CACNA1C: variants seen among roughly 807,000 people sequenced by gnomAD.
The protein encoded by CACNA1C is calcium voltage-gated channel subunit alpha1 C.
In CACNA1C, 30 loss-of-function variants were observed where a neutral mutation model predicts 229.0. That is an observed-to-expected ratio of 0.13 (90% CI 0.10 to 0.18). The LOEUF is 0.18. Among genes scored for constraint, CACNA1C ranks in the 10% least tolerant of loss-of-function variants. CACNA1C has a pLI of 1.00. For missense variants in CACNA1C, 1,658 were observed against 2,845.0 expected, an observed-to-expected ratio of 0.58 and a Z score of 9.49; for synonymous variants, 1,114 against 1,132.5, an observed-to-expected ratio of 0.98 and a Z score of 0.33.
intron 3 of CACNA1C, among the ~76,000 whole-genome samples, chr12:2,126,228 T>A (rs985792225): frequency 6.6e-6 from 1 of 152,254 alleles, no homozygotes; most frequent in African/African-American, 2.4e-5. Context: ...TTTGTTATCT[T>A]TTCCTCATGC....
chr12:2,097,865 TC>T (rs2154094208), intron 1 of CACNA1C, among the ~76,000 whole-genome samples: 1 of 152,246 alleles, frequency 6.6e-6, no homozygotes, highest in South Asian at 2.1e-4. Flanking sequence ...GGGGAGGAGA[TC>T]CAGGCACCAG....
chr12:2,061,276 C>T (rs1337457107), intron 1 of CACNA1C, among the ~76,000 whole-genome samples: 2 of 152,164 alleles, frequency 1.3e-5, no homozygotes, highest in African/African-American at 2.4e-5. Context: ...GCGAGCAGAG[C>T]ACCAGAGTTT....
chr12:2,258,502 T>C (rs774641200), intron 3 of CACNA1C, among the ~76,000 whole-genome samples: 2 of 152,214 alleles, frequency 1.3e-5, no homozygotes, highest in Non-Finnish European at 2.9e-5. Context: ...AATTTAATTA[T>C]ATCATCGTCT....
chr12:2,118,132 T>C (rs2084838952), intron 2 of CACNA1C, among the ~76,000 whole-genome samples: 1 of 152,188 alleles, frequency 6.6e-6, no homozygotes. Flanking sequence ...GCCTTTAGCA[T>C]GAAGTGAAGG....
At chr12:2,416,084 C>T (rs557090208) in intron 3 of CACNA1C, among the ~76,000 whole-genome samples, 18 of 152,248 alleles carry the variant, frequency 1.2e-4, no homozygotes, top group African/African-American at 2.4e-4. Context: ...TCTTGTCCTG[C>T]GGGTCCCAGC....
At chr12:2,390,673 T>G (rs975744136) in intron 3 of CACNA1C, among the ~76,000 whole-genome samples, 4 of 152,030 alleles carry the variant, frequency 2.6e-5, no homozygotes, top group African/African-American at 9.7e-5. Context: ...ATGATCAGGA[T>G]TTCTTGGGGA....
rs1443291194 is a variant in CACNA1C at position 2,566,582 on chromosome 12, G to A, written c.1669G>A (p.Asp557Asn). 1.3e-6 allele frequency: 2 copies of A among 1,592,664 alleles called. No homozygotes were observed. Among genetic ancestry groups the A allele is most frequent in the East Asian group, 2.3e-5 (1 of 43,596 alleles). Reference sequence around the variant, plus strand: ...GCCCAACTGGCTCACAGAAGTCCAAGGTGAGCGGCGGCCCCAGCTCTGCTC... The same window carrying A: ...GCCCAACTGGCTCACAGAAGTCCAAAGTGAGCGGCGGCCCCAGCTCTGCTC... ...NQPNWLTEVQ[D>N]TANKALLALF... is the part of the protein sequence containing the mutation. The change falls in exon 12 of 47, where the codon GAC becomes AAC. Residue 557 changes from aspartate (D) to asparagine (N), a missense_variant and splice_region_variant. By Grantham distance (23) the Asp-to-Asn change is conservative. This residue lies in a region of CACNA1C where 149 missense variants were observed against 194.2 expected (regional missense o/e 0.77). Coordinates refer to ENST00000399655, the MANE Select transcript of CACNA1C (RefSeq NM_000719.7). This position sits in a 1 kb window ranked among gnomAD's most constrained non-coding sequence, Gnocchi z 4.0.
chr12:2,624,634 T>C (rs1430412813), intron 29 of CACNA1C, among the ~76,000 whole-genome samples: 1 of 152,218 alleles, frequency 6.6e-6, no homozygotes, highest in African/African-American at 2.4e-5. Context: ...CCCAGTGCTC[T>C]TCTTTTTGGA....
At chr12:2,109,827 C>G (rs527555188) in intron 1 of CACNA1C, among the ~76,000 whole-genome samples, 81 of 152,194 alleles carry the variant, frequency 5.3e-4, no homozygotes, top group African/African-American at 1.9e-3. Context: ...GAACTTCTCC[C>G]CCATGGTTAC....
At position 2,171,849 on chromosome 12, in the gene CACNA1C, C is replaced by T. The variant is rs150281310; in HGVS notation, c.477+51419C>T. On this transcript the variant is annotated intron_variant, in intron 3 of 46. Transcript: ENST00000399655. ...GGAAGGCCTCCCCGAGGGAATTCCA[C>T]TTGGGCTGTGACCCTGTGATAAAGA... is the stretch of plus-strand genomic sequence containing the variant. 2.9e-3 allele frequency among the ~76,000 whole-genome samples: 446 copies of T among 152,292 alleles called. 1 individual carries two copies. Among genetic ancestry groups the T allele is most frequent in the Middle Eastern group, 0.01 (3 of 294 alleles).
intron 1 of CACNA1C, among the ~76,000 whole-genome samples, chr12:2,090,045 A>G (rs903574077): frequency 6.6e-6 from 1 of 152,028 alleles, no homozygotes; most frequent in African/African-American, 2.4e-5. Context: ...AAAAAAAGAA[A>G]TGAAAAATTG....
At chr12:2,668,907 C>T in intron 37 of CACNA1C, 26 bp from the exon 38 acceptor site, 2 of 1,547,416 alleles carry the variant, frequency 1.3e-6, no homozygotes, top group Non-Finnish European at 1.8e-6. Flanking sequence ...GCCATCATCA[C>T]CAGCTTTGCT....
intron 3 of CACNA1C, among the ~76,000 whole-genome samples, chr12:2,249,714 A>C (rs567780320): frequency 4.2e-4 from 63 of 151,252 alleles, no homozygotes; most frequent in Non-Finnish European, 8.2e-4. Context: ...CCTAAAATCT[A>C]GTCTAGGGCT....
Position 2,605,968 on chromosome 12 carries a change from A to T in CACNA1C, c.3156+182A>T, listed in dbSNP as rs1294046138. On this transcript the variant is annotated intron_variant, in intron 24 of 46. Coordinates refer to ENST00000399655, the MANE Select transcript of CACNA1C (RefSeq NM_000719.7). This position sits in a 1 kb window ranked among gnomAD's most constrained non-coding sequence, Gnocchi z 6.2. Reference sequence around the variant, plus strand: ...GGGTAGGGAGGCGCTAGAAGGAGGCATCGGGCCACCAGGCCAGAGGCCCCT... The same window carrying T: ...GGGTAGGGAGGCGCTAGAAGGAGGCTTCGGGCCACCAGGCCAGAGGCCCCT... Among the ~76,000 whole-genome samples, 1 of 152,198 alleles carries T rather than the reference A, an allele frequency of 6.6e-6. No homozygotes were observed. The highest frequency in any genetic ancestry group is 2.4e-5 in the African/African-American group (1 of 41,444).
intron 3 of CACNA1C, among the ~76,000 whole-genome samples, chr12:2,408,476 A>G (rs189262010): frequency 1.1e-3 from 166 of 149,238 alleles, no homozygotes; most frequent in African/African-American, 3.9e-3. Flanking sequence ...GGCTAACGAG[A>G]GGAGGCTCTA....
chr12:2,238,774 G>A (rs1181075831), intron 3 of CACNA1C, among the ~76,000 whole-genome samples: 3 of 152,182 alleles, frequency 2.0e-5, no homozygotes, highest in Non-Finnish European at 4.4e-5. Context: ...AGGAAGCCGA[G>A]AGGAGGAAGT....
intron 3 of CACNA1C, among the ~76,000 whole-genome samples, chr12:2,442,732 T>C (rs573329668): frequency 2.2e-3 from 337 of 152,286 alleles, no homozygotes; most frequent in Non-Finnish European, 4.0e-3. Flanking sequence ...CTCAGGAGGC[T>C]TCCAATCATG....
rs1332289358 is a variant in CACNA1C at position 2,691,246 on chromosome 12, T to C, written c.*47T>C. The stretch of plus-strand genomic sequence containing the variant: ...TTTTTTTTATTTGTTTCAATGTTCC[T>C]AATGGGTTCGTTTCAGAAGTGCCTC... On this transcript the variant is annotated 3_prime_UTR_variant, in exon 47 of 47. Coordinates refer to ENST00000399655, the MANE Select transcript of CACNA1C (RefSeq NM_000719.7). 6.7e-7 allele frequency: 1 copy of C among 1,484,706 alleles called. No homozygotes were observed. The highest frequency in any genetic ancestry group is 9.0e-7 in the Non-Finnish European group (1 of 1,115,244). 92.0% of individuals were successfully genotyped at this position (1,484,706 alleles called of 1,614,324 possible).
At chr12:2,109,564 C>T (rs2080800413) in intron 1 of CACNA1C, among the ~76,000 whole-genome samples, 1 of 152,082 alleles carries the variant, frequency 6.6e-6, no homozygotes, top group South Asian at 2.1e-4. Context: ...TGGGCCAGGG[C>T]CAGTCTGTGC....
Sources: allele counts gnomAD v4.1 joint callset (sites outside exome capture counted in the v4.1 genomes callset), GRCh38; gene constraint gnomAD v4.1.1; regional missense constraint gnomAD v4.1.1; non-coding constraint Gnocchi (gnomAD v3.1); transcripts MANE v1.5; gene names NCBI Gene and HGNC (gene_info 2026-07-23, HGNC 2026-07-21).